The following TLK1 variants were observed in gnomAD, a reference collection of about 807,000 sequenced individuals.
TLK1 encodes tousled like kinase 1.
A neutral mutation model predicts 105.3 loss-of-function variants in TLK1; 24 were observed. The ratio of observed to expected loss-of-function variants is 0.23; its 90% CI spans 0.17 to 0.32. The LOEUF (loss-of-function observed/expected upper bound fraction) is 0.32. TLK1 is among the 10% of genes least tolerant of loss of function. TLK1 has a pLI of 1.00. For missense variants in TLK1, 558 were observed against 910.5 expected (o/e 0.61, Z 4.98); for synonymous variants, 321 against 310.4 (o/e 1.03, Z -0.36).
At chr2:171,102,173 T>C (rs559764743) in intron 2 of TLK1, among the ~76,000 whole-genome samples, 29 of 152,320 alleles carry the variant, frequency 1.9e-4, no homozygotes, top group African/African-American at 6.5e-4. Flanking sequence ...TTCCTTTTTT[T>C]CTTTACTTCC....
At chr2:171,180,909 T>C (rs1009181985) in intron 1 of TLK1, among the ~76,000 whole-genome samples, 7 of 151,408 alleles carry the variant, frequency 4.6e-5, no homozygotes, top group Non-Finnish European at 2.9e-5. Flanking sequence ...ATAGGTCTAA[T>C]GCAAATGTTA....
intron 3 of TLK1, among the ~76,000 whole-genome samples, chr2:171,065,537 CT>C: frequency 1.2e-5 from 1 of 83,528 alleles, no homozygotes; most frequent in Non-Finnish European, 2.3e-5. Flanking sequence ...ACTGGCTATT[CT>C]TTCTTTTTTT....
intron 8 of TLK1, among the ~76,000 whole-genome samples, chr2:171,051,291 T>A (rs143671969): frequency 6.6e-6 from 1 of 152,142 alleles, no homozygotes; most frequent in Non-Finnish European, 1.5e-5. Flanking sequence ...CCAAGCCTCC[T>A]CCTTCCTTAA....
At chr2:171,083,828 G>A (rs1374065513) in intron 2 of TLK1, among the ~76,000 whole-genome samples, 5 of 152,098 alleles carry the variant, frequency 3.3e-5, no homozygotes, top group Non-Finnish European at 7.4e-5. Flanking sequence ...AAAGGATAGC[G>A]CTTGAACTAA....
intron 3 of TLK1, among the ~76,000 whole-genome samples, chr2:171,072,045 T>C (rs1688284045): frequency 6.6e-6 from 1 of 152,210 alleles, no homozygotes; most frequent in Non-Finnish European, 1.5e-5. Context: ...TCGTCTGGTT[T>C]TGTTCTTTGC....
upstream of TLK1, among the ~76,000 whole-genome samples, chr2:171,162,574 G>T (rs546619199): frequency 3.3e-5 from 5 of 152,224 alleles, no homozygotes; most frequent in African/African-American, 1.2e-4. Flanking sequence ...TGTACAATTT[G>T]ATAAGTTTTG....
At chr2:171,115,170 C>CTTTTTTTTTTTTTTTT (rs373796060) in intron 2 of TLK1, among the ~76,000 whole-genome samples, 5 of 135,768 alleles carry the variant, frequency 3.7e-5, no homozygotes, top group Admixed American at 7.4e-5. Flanking sequence ...TTAAGAATTT[C>CTTTTTTTTTTTTTTTT]TTTCTTTTTT....
chr2:171,148,896 T>A (rs60790778), intron 1 of TLK1, among the ~76,000 whole-genome samples: 16,979 of 101,198 alleles, frequency 0.17, 1,309 homozygotes, highest in East Asian at 0.27. Flanking sequence ...AAAAAATATA[T>A]ATATATATAT....
At chr2:171,018,831 T>C (rs1559345493) in intron 12 of TLK1, among the ~76,000 whole-genome samples, 1 of 152,128 alleles carries the variant, frequency 6.6e-6, no homozygotes, top group Non-Finnish European at 1.5e-5. Flanking sequence ...AACTGGTCTC[T>C]GTAGGCTATT....
At chr2:171,178,803 G>A (rs75442940) in intron 1 of TLK1, among the ~76,000 whole-genome samples, 6,884 of 152,146 alleles carry the variant, frequency 0.045, 459 homozygotes, top group East Asian at 0.3. Flanking sequence ...TGTTAGTTTA[G>A]GCATTCTACC....
chr2:170,999,656 C>A (rs150400269), intron 18 of TLK1, among the ~76,000 whole-genome samples: 1 of 152,114 alleles, frequency 6.6e-6, no homozygotes, highest in African/African-American at 2.4e-5. Flanking sequence ...CTAAAATATA[C>A]GAGTATTTAT....
intron 1 of TLK1, among the ~76,000 whole-genome samples, chr2:171,133,156 T>C (rs867787396): frequency 6.6e-6 from 1 of 152,218 alleles, no homozygotes; most frequent in South Asian, 2.1e-4. Flanking sequence ...TCAAGTACTA[T>C]AGCTTCTGCC....
chr2:171,192,100 C>T (rs1206862989), intron 1 of TLK1, among the ~76,000 whole-genome samples: 1 of 152,144 alleles, frequency 6.6e-6, no homozygotes, highest in Non-Finnish European at 1.5e-5. Flanking sequence ...GCAATCTTGG[C>T]TCACTGCAGC....
intron 11 of TLK1, among the ~76,000 whole-genome samples, chr2:171,040,008 A>G (rs550300997): frequency 6.6e-5 from 10 of 152,312 alleles, no homozygotes; most frequent in African/African-American, 1.9e-4. Context: ...ACTATGCAAG[A>G]CAATAATGAT....
intron 3 of TLK1, among the ~76,000 whole-genome samples, chr2:171,063,219 G>C (rs1419790122): frequency 6.6e-6 from 1 of 151,982 alleles, no homozygotes; most frequent in Non-Finnish European, 1.5e-5. Context: ...GGTGGTGCAT[G>C]CCTGTAGTGC....
intron 12 of TLK1, among the ~76,000 whole-genome samples, chr2:171,026,329 T>C (rs1435301305): frequency 1.3e-5 from 2 of 152,102 alleles, no homozygotes; most frequent in Non-Finnish European, 1.5e-5. Flanking sequence ...ATAAAAGTGT[T>C]TTTCACAGAA....
chr2:170,995,961 C>A (rs1684037698), intron 20 of TLK1, among the ~76,000 whole-genome samples: 1 of 152,058 alleles, frequency 6.6e-6, no homozygotes, highest in Non-Finnish European at 1.5e-5. Context: ...CCTGGGCCTC[C>A]CAAATTGCTG....
chr2:171,140,422 T>TGGGAA lies in TLK1; in HGVS notation c.139+19867_139+19868insTTCCC, dbSNP rs1192070271. On this transcript the variant is annotated intron_variant, in intron 1 of 20. Transcript: ENST00000431350. ...TGAGTCTGGTATACCAGGTTTCTTCTCCCCTACAGGCATCTGCTGATTTAA... is the reference window on the plus strand; with the variant it reads ...TGAGTCTGGTATACCAGGTTTCTTCTGGGAACCCCTACAGGCATCTGCTGATTTAA... Among the ~76,000 whole-genome samples the TGGGAA allele has an allele frequency of 5.0e-3, 767 of 152,296 alleles. 6 individuals carry two copies. The highest frequency in any genetic ancestry group is 0.017 in the African/African-American group (713 of 41,560).
At chr2:171,115,801 G>GT (rs1235993170) in intron 2 of TLK1, among the ~76,000 whole-genome samples, 9 of 152,092 alleles carry the variant, frequency 5.9e-5, no homozygotes, top group African/African-American at 2.2e-4. Context: ...AGAAAACACA[G>GT]TAAGGACTGC....
Sources: allele counts gnomAD v4.1 joint callset (sites outside exome capture counted in the v4.1 genomes callset), GRCh38; gene constraint gnomAD v4.1.1; transcripts MANE v1.5; gene names NCBI Gene and HGNC (gene_info 2026-07-23, HGNC 2026-07-21).